Variants in CBR4 observed in about 807,000 individuals in gnomAD.
CBR4 encodes carbonyl reductase 4.
CBR4 carries 22 observed loss-of-function variants against 21.0 expected under a neutral mutation model. That is an observed-to-expected ratio of 1.05 (90% CI 0.75 to 1.50). The LOEUF is 1.50. Among genes scored for constraint, CBR4 ranks in the 40% most tolerant of loss-of-function variants. The probability of loss-of-function intolerance (pLI) is 0.00; values close to 1 mark genes in which losing one functional copy is unlikely to be tolerated. For synonymous variants in CBR4, 100 were observed against 104.4 expected (o/e 0.96, Z 0.26); for missense variants, 302 against 286.3 (o/e 1.05, Z -0.40).
At chr4:168,942,656 G>A (rs1354620404) in intron 2 of CBR4, among the ~76,000 whole-genome samples, 1 of 152,034 alleles carries the variant, frequency 6.6e-6, no homozygotes, top group African/African-American at 2.4e-5. Context: ...CTTGCGCACG[G>A]CAAAGGAAAT....
chr4:168,994,551 A>C (rs1765089773), intron 4 of CBR4, among the ~76,000 whole-genome samples: 1 of 152,036 alleles, frequency 6.6e-6, no homozygotes, highest in African/African-American at 2.4e-5. Context: ...AAAATGACAG[A>C]TCTCTGAGGT....
chr4:168,993,926 T>C (rs1765050870), intron 4 of CBR4, among the ~76,000 whole-genome samples: 1 of 152,084 alleles, frequency 6.6e-6, no homozygotes, highest in African/African-American at 2.4e-5. Flanking sequence ...CTAGATTCTG[T>C]TCCCTGCTCT....
chr4:169,005,649 T>G lies in CBR4; in HGVS notation c.400+1106A>C, dbSNP rs562978880. 1.8e-4 allele frequency among the ~76,000 whole-genome samples: 27 copies of G among 152,334 alleles called. No homozygotes were observed. The South Asian group carries it at 3.1e-3, about 18-fold the overall frequency. On this transcript the variant is annotated intron_variant, in intron 3 of 4. Transcript: ENST00000306193. ...AGATACAGGCCTGTTTGCCTGCTTGTAAGTATCCAAAGTCCTTATCTGGCT... is the reference window on the plus strand; with the variant it reads ...AGATACAGGCCTGTTTGCCTGCTTGGAAGTATCCAAAGTCCTTATCTGGCT...
intron 2 of CBR4, among the ~76,000 whole-genome samples, chr4:168,977,107 T>TG (rs768052272): frequency 2.0e-4 from 31 of 152,362 alleles, no homozygotes; most frequent in South Asian, 1.2e-3. Context: ...GTTCCTGTGG[T>TG]GGTTCTTGGA....
At position 168,917,473 on chromosome 4, in the gene CBR4, G is replaced by A. The variant is rs548860513; in HGVS notation, n.170-22708C>T. 2.0e-4 allele frequency among the ~76,000 whole-genome samples: 30 copies of A among 152,256 alleles called. No individual in the cohort carries two copies. The Middle Eastern group carries it at 0.01, about 52-fold the overall frequency. On this transcript the variant is annotated intron_variant and non_coding_transcript_variant, in intron 2 of 3. Coordinates refer to the CBR4 transcript ENST00000509108. ...CATCCATTTCTCAAAGGAGTTTAGGGAAAAAATATTTAAGAAACACTGCTC... is the reference window on the plus strand; with the variant it reads ...CATCCATTTCTCAAAGGAGTTTAGGAAAAAAATATTTAAGAAACACTGCTC...
At position 168,952,393 on chromosome 4, in the gene CBR4, AACCTCCTG is replaced by A. The variant is rs1763565209; in HGVS notation, n.169+49670_169+49677del. ...TGCCTCCCTGATCAGCTTAATAACT[AACCTCCTG>A]AATGCTTTCTGGGGTAAATCAGAAA... On this transcript the variant is annotated intron_variant and non_coding_transcript_variant, in intron 2 of 3. Coordinates refer to the CBR4 transcript ENST00000509108. Among the ~76,000 whole-genome samples, 4 of 152,062 alleles carry A rather than the reference AACCTCCTG, an allele frequency of 2.6e-5. 1 individual carries two copies. The South Asian group carries it at 8.3e-4, about 31-fold the overall frequency.
chr4:168,926,627 G>A (rs1310275178), intron 2 of CBR4: 9 of 416,126 alleles, frequency 2.2e-5, no homozygotes, highest in Admixed American at 4.0e-5. Context: ...CTTTGGAATT[G>A]CTGTGATTAA....
At chr4:168,931,713 G>A (rs79346677) in intron 2 of CBR4, among the ~76,000 whole-genome samples, 7,780 of 152,158 alleles carry the variant, frequency 0.051, 258 homozygotes, top group Middle Eastern at 0.075. Context: ...GGTTGACACC[G>A]TTCACACACA....
chr4:168,898,980 G>A (rs868430196), intron 2 of CBR4, among the ~76,000 whole-genome samples: 1 of 152,212 alleles, frequency 6.6e-6, no homozygotes, highest in South Asian at 2.1e-4. Context: ...TTTATTCCTC[G>A]TTGTTATTCC....
intron 2 of CBR4, among the ~76,000 whole-genome samples, chr4:168,957,321 A>T (rs1392553765): frequency 6.6e-6 from 1 of 152,026 alleles, no homozygotes; most frequent in Non-Finnish European, 1.5e-5. Flanking sequence ...CAAACATCAC[A>T]CTAGATGACA....
intron 2 of CBR4, among the ~76,000 whole-genome samples, chr4:168,930,268 T>G (rs1762935770): frequency 6.6e-6 from 1 of 152,080 alleles, no homozygotes; most frequent in African/African-American, 2.4e-5. Context: ...TCCAGAAGAT[T>G]TACCAGAGGG....
At chr4:169,004,511 G>A (rs558231706) in intron 3 of CBR4, among the ~76,000 whole-genome samples, 2 of 152,136 alleles carry the variant, frequency 1.3e-5, no homozygotes, top group African/African-American at 4.8e-5. Context: ...AAGTTTATAG[G>A]ATATTCTAAA....
intron 3 of CBR4, among the ~76,000 whole-genome samples, chr4:169,003,355 A>T (rs1730626365): frequency 6.6e-6 from 1 of 152,232 alleles, no homozygotes; most frequent in East Asian, 1.9e-4. Context: ...CAGAATTACA[A>T]GTGGAGCCTG....
intron 2 of CBR4, among the ~76,000 whole-genome samples, chr4:168,935,375 T>C: frequency 6.6e-6 from 1 of 152,166 alleles, no homozygotes; most frequent in East Asian, 1.9e-4. Context: ...GAGTTTCTTT[T>C]CGTACCCCAG....
At chr4:168,999,635 T>C (rs1409031972) in intron 4 of CBR4, among the ~76,000 whole-genome samples, 2 of 114,222 alleles carry the variant, frequency 1.8e-5, no homozygotes, top group Admixed American at 1.8e-4. Context: ...ACCACCACTT[T>C]CAAAAAAAAA....
chr4:168,989,986 C>A lies in CBR4; in HGVS notation c.*164G>T. On this transcript the variant is annotated 3_prime_UTR_variant, in exon 5 of 5. Coordinates refer to ENST00000306193, the MANE Select transcript of CBR4 (RefSeq NM_032783.5). ...CAAAAAAAAAAAAACCACAATTTGT[C>A]ACACATTGTTCTTTTGAGACATATT... 1.6e-6 allele frequency: 2 copies of A among 1,240,682 alleles called. No homozygotes were observed. Among genetic ancestry groups the A allele is most frequent in the Non-Finnish European group, 2.0e-6 (2 of 988,904 alleles). 76.9% of individuals were successfully genotyped at this position (1,240,682 alleles called of 1,614,324 possible). A position where few individuals can be genotyped will look rare whatever the true frequency, so the allele number is the denominator to read the frequency against.
Position 168,988,471 on chromosome 4 carries a change from T to C in CBR4, c.*1679A>G. 1 of 985,406 alleles carries C rather than the reference T, an allele frequency of 1.0e-6. No individual in the cohort carries two copies. Among genetic ancestry groups the C allele is most frequent in the East Asian group, 1.1e-4 (1 of 8,808 alleles). The allele number at this position is 985,406 out of a possible 1,614,324, so 61.0% of individuals were successfully genotyped here. A position where few individuals can be genotyped will look rare whatever the true frequency, so the allele number is the denominator to read the frequency against. ...CCAGAGAAGAAAACTCAAGACTGAA[T>C]GGGCTGCCATAATGGGGAAGTACAG... is the stretch of plus-strand genomic sequence containing the variant. On this transcript the variant is annotated 3_prime_UTR_variant, in exon 5 of 5. Coordinates refer to ENST00000306193, the MANE Select transcript of CBR4 (RefSeq NM_032783.5).
At chr4:168,929,485 AT>A (rs1201276603) in intron 2 of CBR4, among the ~76,000 whole-genome samples, 1 of 152,210 alleles carries the variant, frequency 6.6e-6, no homozygotes, top group African/African-American at 2.4e-5. Context: ...TTAATGCTGA[AT>A]TTGTCCTTGA....
At chr4:168,954,680 C>A (rs1763634830) in intron 2 of CBR4, among the ~76,000 whole-genome samples, 2 of 152,088 alleles carry the variant, frequency 1.3e-5, no homozygotes, top group African/African-American at 4.8e-5. Context: ...CACATTTTTT[C>A]AGAAAGTTAC....
Sources: gnomAD v4.1 joint callset for allele counts (sites outside exome capture counted in the v4.1 genomes callset) on GRCh38, gnomAD v4.1.1 for gene constraint, MANE v1.5 for transcripts, NCBI Gene and HGNC (gene_info 2026-07-23, HGNC 2026-07-21) for gene names.